Variants in AOX1 observed in about 807,000 individuals in gnomAD.
The protein encoded by AOX1 is aldehyde oxidase 1, also known as aldehyde oxidase.
In AOX1, 153 loss-of-function variants were observed where a neutral mutation model predicts 169.5. The observed-to-expected ratio is 0.90, with a 90% CI of 0.79 to 1.03. The LOEUF (loss-of-function observed/expected upper bound fraction) is 1.03. Among genes scored for constraint, AOX1 ranks in the 50% least tolerant of loss-of-function variants. The pLI, the probability that AOX1 is intolerant of heterozygous loss-of-function variation, is 0.00. For synonymous variants in AOX1, 562 were observed against 581.9 expected (o/e 0.97, Z 0.49); for missense variants, 1,656 against 1,663.9 (o/e 1.00, Z 0.08).
At chr2:200,669,260 C>T (rs1022544306) in intron 33 of AOX1, among the ~76,000 whole-genome samples, 31 of 152,242 alleles carry the variant, frequency 2.0e-4, no homozygotes, top group African/African-American at 7.0e-4. Context: ...CCTGGCCAAC[C>T]TAGTGAAACC....
At chr2:200,608,145 G>T (rs1034771856) in intron 10 of AOX1, among the ~76,000 whole-genome samples, 1 of 151,828 alleles carries the variant, frequency 6.6e-6, no homozygotes, top group African/African-American at 2.4e-5. Context: ...AAAAGAAAAA[G>T]AAAATGGGGA....
intron 1 of AOX1, among the ~76,000 whole-genome samples, chr2:200,586,542 C>T (rs960212041): frequency 3.3e-5 from 5 of 152,246 alleles, no homozygotes; most frequent in African/African-American, 1.2e-4. Context: ...GTCCCCAGTA[C>T]ACTGAGAGCA....
At chr2:200,636,801 G>A in intron 21 of AOX1, 110 bp from the exon 22 acceptor site, 2 of 1,296,618 alleles carry the variant, frequency 1.5e-6, no homozygotes, top group Non-Finnish European at 2.1e-6. Context: ...TCCATTTCAG[G>A]GGACAGGTTT....
intron 28 of AOX1, 56 bp downstream of exon 28, chr2:200,659,349 G>C: frequency 6.4e-7 from 1 of 1,567,206 alleles, no homozygotes; most frequent in Non-Finnish European, 8.7e-7. Context: ...CCAAATACGT[G>C]GGTGGGTGGA....
rs1276757584 is a variant in AOX1 at position 200,666,124 on chromosome 2, TCTC to T, written c.3544-559_3544-557del. Among the ~76,000 whole-genome samples the T allele has an allele frequency of 5.8e-4, 89 of 152,360 alleles. 1 individual carries two copies. Among genetic ancestry groups the T allele is most frequent in the Non-Finnish European group, 3.8e-4 (26 of 68,042 alleles). On this transcript the variant is annotated intron_variant, in intron 31 of 34. Coordinates refer to ENST00000374700, the MANE Select transcript of AOX1 (RefSeq NM_001159.4). ...ACACTCTGGCTGGGCCTGCTGTACT[TCTC>T]CTCATTTGTAGGTTATCAGTAGCAA...
At chr2:200,637,945 G>A (rs2035269971) in intron 22 of AOX1, among the ~76,000 whole-genome samples, 2 of 152,156 alleles carry the variant, frequency 1.3e-5, no homozygotes, top group African/African-American at 4.8e-5. Context: ...TTATTACAAT[G>A]GGAAATGCCC....
chr2:200,617,254 C>T (rs1197715179), intron 16 of AOX1, among the ~76,000 whole-genome samples: 1 of 152,070 alleles, frequency 6.6e-6, no homozygotes, highest in Non-Finnish European at 1.5e-5. Flanking sequence ...TGGTTTTTCA[C>T]ACACACATAC....
chr2:200,681,730 T>C (rs1342106578), downstream of AOX1, among the ~76,000 whole-genome samples: 6 of 152,254 alleles, frequency 3.9e-5, no homozygotes, highest in Admixed American at 2.0e-4. Flanking sequence ...TGTTACATTC[T>C]TGGCACCATA....
rs191229791 is a variant in AOX1 at position 200,603,156 on chromosome 2, G to T, written c.499-111G>T. 5.5e-3 allele frequency: 4,494 copies of T among 812,842 alleles called. 256 individuals carry two copies. In the Admixed American group the frequency reaches 0.096, roughly 17 times the overall value. 50.4% of individuals were successfully genotyped at this position (812,842 alleles called of 1,614,324 possible). A position where few individuals can be genotyped will look rare whatever the true frequency, so the allele number is the denominator to read the frequency against. ...TAAGTACAAATGGCTCTCTTTCATG[G>T]CATCTAACGATATTGATTCAGCATT... On this transcript the variant is annotated intron_variant, in intron 6 of 34. Transcript: ENST00000374700.
rs57274645 is a variant in AOX1, at chr2:200,631,839, AAG to A, written c.2222-2951_2222-2950del. 2.5e-3 allele frequency among the ~76,000 whole-genome samples: 380 copies of A among 152,366 alleles called. 2 individuals carry two copies. Among genetic ancestry groups the A allele is most frequent in the African/African-American group, 8.8e-3 (366 of 41,592 alleles). ...TCAATAATACTGCAAGCTTGAATGT[AAG>A]CCTAGTGACAATGACATGGGTCTTT... On this transcript the variant is annotated intron_variant, in intron 20 of 34. Transcript: ENST00000374700.
intron 1 of AOX1, among the ~76,000 whole-genome samples, chr2:200,589,235 G>C (rs1451527038): frequency 1.3e-5 from 2 of 152,200 alleles, no homozygotes; most frequent in Non-Finnish European, 2.9e-5. Flanking sequence ...CAGGGACCTA[G>C]TTGCAGAGAG....
chr2:200,672,391 C>T (rs1001456483), downstream of AOX1, among the ~76,000 whole-genome samples: 5 of 152,134 alleles, frequency 3.3e-5, no homozygotes, highest in African/African-American at 1.2e-4. Flanking sequence ...AATGGCTTTC[C>T]AAAAACATGG....
At chr2:200,615,851 C>T in intron 15 of AOX1, 120 bp from the exon 16 acceptor site, 1 of 698,516 alleles carries the variant, frequency 1.4e-6, no homozygotes, top group Non-Finnish European at 2.5e-6. Flanking sequence ...AGGGTGAGTG[C>T]TTAATATACG....
chr2:200,650,079 T>A (rs2035550235), intron 25 of AOX1, among the ~76,000 whole-genome samples: 2 of 152,148 alleles, frequency 1.3e-5, no homozygotes, highest in African/African-American at 4.8e-5. Context: ...CAGTAGCCAC[T>A]TTCTTTGCTT....
chr2:200,679,902 C>T (rs1574973284), downstream of AOX1, among the ~76,000 whole-genome samples: 1 of 152,138 alleles, frequency 6.6e-6, no homozygotes, highest in East Asian at 1.9e-4. Context: ...GGCAACATAG[C>T]AAGGCCCCAT....
chr2:200,636,598 G>A (rs2035238971), intron 21 of AOX1, among the ~76,000 whole-genome samples: 2 of 152,178 alleles, frequency 1.3e-5, no homozygotes, highest in South Asian at 4.1e-4. Flanking sequence ...AAAAGTATGA[G>A]TACAAAAATA....
Position 200,604,021 on chromosome 2 carries a change from GT to G in AOX1, c.594del (p.Pro199GlnfsTer18). Reference protein sequence around the residue: ...LPEFEEGSKTSPKLFAEEEFL... With the variant: ...LPEFEEGSKTXPKLFAEEEFL... Reference sequence around the variant, plus strand: ...TCTGATATGTTCTCTTTTTAGACAAGTCCAAAACTCTTCGCAGAAGAGGAGT... The same window carrying G: ...TCTGATATGTTCTCTTTTTAGACAAGCCAAAACTCTTCGCAGAAGAGGAGT... On this transcript the variant is annotated frameshift_variant, in exon 8 of 35. Transcript: ENST00000374700. LOFTEE classifies it high-confidence loss of function. The G allele has an allele frequency of 6.2e-7, 1 of 1,609,248 alleles. No homozygotes were observed. Among genetic ancestry groups the G allele is most frequent in the Non-Finnish European group, 8.5e-7 (1 of 1,175,684 alleles).
At chr2:200,630,602 G>GAGC (rs2035104757) in intron 20 of AOX1, among the ~76,000 whole-genome samples, 1 of 148,854 alleles carries the variant, frequency 6.7e-6, no homozygotes, top group Non-Finnish European at 1.5e-5. Flanking sequence ...AAGGAAGGAG[G>GAGC]GGAAGAAAAG....
chr2:200,662,178 G>A (rs964753392), intron 30 of AOX1, among the ~76,000 whole-genome samples: 3 of 152,190 alleles, frequency 2.0e-5, no homozygotes. Flanking sequence ...AGCCTTACCT[G>A]GTTTGATCAC....
Sources: gnomAD v4.1 joint callset for allele counts (sites outside exome capture counted in the v4.1 genomes callset) on GRCh38, gnomAD v4.1.1 for gene constraint, MANE v1.5 for transcripts, NCBI Gene and HGNC (gene_info 2026-07-23, HGNC 2026-07-21) for gene names.